Variants in LRRFIP1 observed in about 807,000 individuals in gnomAD.
LRRFIP1 encodes LRR binding FLII interacting protein 1.
In LRRFIP1, 62 loss-of-function variants were observed where a neutral mutation model predicts 104.4. The observed-to-expected ratio is 0.59, with a 90% CI of 0.48 to 0.73. LRRFIP1 has a LOEUF of 0.73. LRRFIP1 is among the 30% of genes least tolerant of loss of function. LRRFIP1 has a pLI of 0.00. For synonymous variants in LRRFIP1, 300 were observed against 299.0 expected (o/e 1.00, Z -0.03); for missense variants, 796 against 824.5 (o/e 0.97, Z 0.42).
At chr2:237,727,035 C>T (rs1266948219) in intron 7 of LRRFIP1, among the ~76,000 whole-genome samples, 1 of 152,200 alleles carries the variant, frequency 6.6e-6, no homozygotes, top group Admixed American at 6.5e-5. Flanking sequence ...CCACGATGAA[C>T]TTTTGCGTTT....
At chr2:237,761,942 C>T (rs751443453) in intron 19 of LRRFIP1, among the ~76,000 whole-genome samples, 7 of 152,180 alleles carry the variant, frequency 4.6e-5, no homozygotes, top group Non-Finnish European at 7.3e-5. Context: ...GAACATTTGC[C>T]TCCTGCTGGT....
chr2:237,779,616 T>C lies in LRRFIP1; in HGVS notation c.*84T>C, dbSNP rs1269855502. 2.5e-6 allele frequency: 3 copies of C among 1,210,994 alleles called. No individual in the cohort carries two copies. Among genetic ancestry groups the C allele is most frequent in the Non-Finnish European group, 3.6e-6 (3 of 838,178 alleles). 75.0% of individuals were successfully genotyped at this position (1,210,994 alleles called of 1,614,324 possible). The stretch of plus-strand genomic sequence containing the variant: ...TCTCTGTCCTATCTGGGAGCGCTGC[T>C]TCTTCCCCTGCCTTCCGAGAGACGA... On this transcript the variant is annotated 3_prime_UTR_variant, in exon 24 of 24. Transcript: ENST00000308482.
rs543460740 is a variant in LRRFIP1, at chr2:237,669,956, G to A, written c.97-38588G>A. 6.7e-4 allele frequency among the ~76,000 whole-genome samples: 102 copies of A among 152,312 alleles called. 1 individual carries two copies. The highest frequency in any genetic ancestry group is 2.1e-3 in the African/African-American group (89 of 41,562). On this transcript the variant is annotated intron_variant, in intron 1 of 23. Coordinates refer to ENST00000308482, the MANE Select transcript of LRRFIP1 (RefSeq NM_001137550.2). ...CAACTTCTGGCAAAAGATTGGGGCCGTCTTTGGACAGATTTGAATATTAGA... is the reference window on the plus strand; with the variant it reads ...CAACTTCTGGCAAAAGATTGGGGCCATCTTTGGACAGATTTGAATATTAGA...
rs1238053248 is a variant in LRRFIP1 at position 237,727,805 on chromosome 2, C to G, written c.385-71C>G. 3.5e-6 allele frequency: 4 copies of G among 1,145,096 alleles called. No individual in the cohort carries two copies. In the East Asian group the frequency reaches 9.4e-5, roughly 27 times the overall value. 70.9% of individuals were successfully genotyped at this position (1,145,096 alleles called of 1,614,324 possible). ...GTCACCTTATACCTGGCTGGTTGGT[C>G]CCTGCTGATTTGTACCTGTGAATTC... On this transcript the variant is annotated intron_variant, in intron 7 of 23. Coordinates refer to ENST00000308482, the MANE Select transcript of LRRFIP1 (RefSeq NM_001137550.2).
chr2:237,755,173 C>A, intron 15 of LRRFIP1, among the ~76,000 whole-genome samples: 1 of 152,208 alleles, frequency 6.6e-6, no homozygotes, highest in Non-Finnish European at 1.5e-5. Context: ...TGTGACTGGG[C>A]AGGAACACAG....
In LRRFIP1 at chr2:237,649,972, G is replaced by GCACAT. The variant is rs2085648546; in HGVS notation, c.96+22233_96+22237dup. ...CATCCACTGGGCAGATTTTTACTTAGCACATTCCCTGTGCTGGGGACTTCC... is the reference window on the plus strand; with the variant it reads ...CATCCACTGGGCAGATTTTTACTTAGCACATCACATTCCCTGTGCTGGGGACTTCC... On this transcript the variant is annotated intron_variant, in intron 1 of 23. Transcript: ENST00000308482. This position sits in a 1 kb window ranked among gnomAD's most constrained non-coding sequence, Gnocchi z 4.1. Among the ~76,000 whole-genome samples the GCACAT allele has an allele frequency of 6.6e-6, 1 of 152,070 alleles. No homozygotes were observed. The highest frequency in any genetic ancestry group is 1.5e-5 in the Non-Finnish European group (1 of 67,968).
At chr2:237,664,065 G>A (rs1289886620) in intron 1 of LRRFIP1, among the ~76,000 whole-genome samples, 1 of 151,862 alleles carries the variant, frequency 6.6e-6, no homozygotes, top group Non-Finnish European at 1.5e-5. Context: ...AGGGGAAACA[G>A]CCATGTCCAT....
intron 1 of LRRFIP1, among the ~76,000 whole-genome samples, chr2:237,638,789 A>G (rs752129483): frequency 1.3e-5 from 2 of 152,240 alleles, no homozygotes; most frequent in African/African-American, 2.4e-5. Context: ...GTGGAAATAC[A>G]TTGCAATAGA....
At chr2:237,770,824 T>A (rs2060553993) in intron 20 of LRRFIP1, 1 of 152,170 alleles carries the variant, frequency 6.6e-6, no homozygotes, top group Admixed American at 6.5e-5. Flanking sequence ...AGTTATCCTA[T>A]CTGATCTTTT....
chr2:237,633,498 G>C (rs539980637), intron 1 of LRRFIP1, among the ~76,000 whole-genome samples: 17 of 148,282 alleles, frequency 1.1e-4, no homozygotes, highest in African/African-American at 4.5e-4. Flanking sequence ...CGTTGGCCTG[G>C]TACTCAGGGT....
intron 2 of LRRFIP1, among the ~76,000 whole-genome samples, chr2:237,712,409 A>G (rs995857643): frequency 2.6e-5 from 4 of 152,258 alleles, no homozygotes; most frequent in African/African-American, 9.6e-5. Flanking sequence ...AATGATCCAC[A>G]TAATCCTAGT....
chr2:237,769,345 C>G (rs892760148), intron 19 of LRRFIP1: 9 of 152,492 alleles, frequency 5.9e-5, no homozygotes, highest in Admixed American at 2.0e-4. Context: ...TTTATGCATC[C>G]TTATATATCG....
At chr2:237,772,578 C>T in intron 21 of LRRFIP1, 2 of 518,616 alleles carry the variant, frequency 3.9e-6, no homozygotes, top group Admixed American at 7.2e-5. Flanking sequence ...CCCAGTCTCT[C>T]TCCGCCCTTT....
chr2:237,731,836 C>T (rs1369341301), intron 8 of LRRFIP1, among the ~76,000 whole-genome samples: 1 of 152,148 alleles, frequency 6.6e-6, no homozygotes, highest in Admixed American at 6.5e-5. Context: ...TCAAACAGGG[C>T]CACATGTGAA....
chr2:237,654,508 T>G (rs1481144416), intron 1 of LRRFIP1, among the ~76,000 whole-genome samples: 1 of 152,038 alleles, frequency 6.6e-6, no homozygotes, highest in Non-Finnish European at 1.5e-5. Context: ...ATCCCACTTC[T>G]GGGTATGTCT....
Position 237,779,476 on chromosome 2 carries a change from G to T in LRRFIP1, c.1867G>T (p.Val623Leu). Reference sequence around the variant, plus strand: ...GCTCGAGGTGAGCAACGGCCACTTAGTGAAGCGTCTGGAAAAAATGAAAGC... The same window carrying T: ...GCTCGAGGTGAGCAACGGCCACTTATTGAAGCGTCTGGAAAAAATGAAAGC... ...EELEVSNGHL[V>L]KRLEKMKANR... The change falls in exon 24 of 24, where the codon GTG (valine) becomes TTG (leucine). Residue 623 changes from valine to leucine, a missense_variant. Transcript: ENST00000308482. 1.2e-6 allele frequency: 2 copies of T among 1,613,886 alleles called. No homozygotes were observed. The highest frequency in any genetic ancestry group is 1.7e-6 in the Non-Finnish European group (2 of 1,179,766).
chr2:237,706,243 A>G (rs775549575), intron 1 of LRRFIP1, among the ~76,000 whole-genome samples: 2 of 152,164 alleles, frequency 1.3e-5, no homozygotes, highest in African/African-American at 4.8e-5. Flanking sequence ...GGACCAACCC[A>G]GAATTTGGCC....
At chr2:237,758,282 C>A (rs1020095085) in intron 17 of LRRFIP1, among the ~76,000 whole-genome samples, 39 of 152,060 alleles carry the variant, frequency 2.6e-4, no homozygotes, top group African/African-American at 8.9e-4. Context: ...CTTCATTTAT[C>A]TGAGATGATG....
rs1478085085 is a variant in LRRFIP1, at chr2:237,711,490, C to G, written c.184-2769C>G. Among the ~76,000 whole-genome samples, 1 of 152,220 alleles carries G rather than the reference C, an allele frequency of 6.6e-6. No individual in the cohort carries two copies. Among genetic ancestry groups the G allele is most frequent in the Non-Finnish European group, 1.5e-5 (1 of 68,038 alleles). On this transcript the variant is annotated intron_variant, in intron 2 of 23. Transcript: ENST00000308482. This position sits in a 1 kb window ranked among gnomAD's most constrained non-coding sequence, Gnocchi z 4.4. The stretch of plus-strand genomic sequence containing the variant: ...GGGGTGGTGTCCCTTGCAGGCAGCA[C>G]CTTTGGCCAACGTCACCTTTTGCAC...
Sources: allele counts gnomAD v4.1 joint callset (sites outside exome capture counted in the v4.1 genomes callset), GRCh38; gene constraint gnomAD v4.1.1; non-coding constraint Gnocchi (gnomAD v3.1); transcripts MANE v1.5; gene names NCBI Gene and HGNC (gene_info 2026-07-23, HGNC 2026-07-21).